ABHD18: variants seen among roughly 807,000 people sequenced by gnomAD.
The protein encoded by ABHD18 is cardiolipin-specific deacylase, mitochondrial.
A neutral mutation model predicts 65.9 loss-of-function variants in ABHD18; 55 were observed. That is an observed-to-expected ratio of 0.84 (90% CI 0.67 to 1.05). The LOEUF (loss-of-function observed/expected upper bound fraction) is 1.05, where lower values mean the gene tolerates loss of function less well. Among genes scored for constraint, ABHD18 ranks in the 50% least tolerant of loss-of-function variants. The pLI, the probability that ABHD18 is intolerant of heterozygous loss-of-function variation, is 0.00. For missense variants in ABHD18, 533 were observed against 558.5 expected (o/e 0.95, Z 0.46); for synonymous variants, 181 against 180.2 (o/e 1.00, Z -0.04).
At chr4:127,979,439 C>T (rs927141136) in intron 1 of ABHD18, among the ~76,000 whole-genome samples, 3 of 152,124 alleles carry the variant, frequency 2.0e-5, no homozygotes, top group Non-Finnish European at 2.9e-5. Context: ...CCTGTAGTCC[C>T]AGCTACTCGG....
At chr4:127,979,894 C>T (rs1408419159) in intron 1 of ABHD18, among the ~76,000 whole-genome samples, 3 of 124,204 alleles carry the variant, frequency 2.4e-5, no homozygotes, top group Admixed American at 1.1e-4. Flanking sequence ...CCAGCCTGAG[C>T]GACAGAGTGA....
At chr4:128,020,917 T>C (rs913649916) in intron 9 of ABHD18, among the ~76,000 whole-genome samples, 5 of 151,754 alleles carry the variant, frequency 3.3e-5, no homozygotes, top group Admixed American at 6.6e-5. Flanking sequence ...GCCTGTAGTC[T>C]CAGCTACTTG....
At chr4:127,968,870 T>A (rs532786801) in intron 1 of ABHD18, among the ~76,000 whole-genome samples, 1 of 152,160 alleles carries the variant, frequency 6.6e-6, no homozygotes, top group African/African-American at 2.4e-5. Flanking sequence ...GCTTGGATTT[T>A]TATCTGTTCA....
chr4:127,971,106 G>A (rs981226405), intron 1 of ABHD18, among the ~76,000 whole-genome samples: 2 of 151,220 alleles, frequency 1.3e-5, no homozygotes, highest in South Asian at 4.2e-4. Context: ...AAATTAGCCG[G>A]GCAAGGAAGG....
chr4:128,003,667 C>T (rs1235703849), intron 4 of ABHD18, among the ~76,000 whole-genome samples: 1 of 151,840 alleles, frequency 6.6e-6, no homozygotes, highest in East Asian at 1.9e-4. Flanking sequence ...TTCTATTTTT[C>T]TGGCATGTAA....
intron 1 of ABHD18, among the ~76,000 whole-genome samples, chr4:127,969,416 C>T (rs533293151): frequency 6.6e-6 from 1 of 152,034 alleles, no homozygotes; most frequent in African/African-American, 2.4e-5. Context: ...TCAGGCTGGT[C>T]TCCAACTCCC....
intron 4 of ABHD18, among the ~76,000 whole-genome samples, chr4:128,001,934 A>AT (rs1304330445): frequency 2.7e-5 from 4 of 150,580 alleles, no homozygotes; most frequent in East Asian, 2.0e-4. Flanking sequence ...TATTTTTGCA[A>AT]TTTTTTTCTC....
At chr4:127,997,017 C>T (rs1186402101) in intron 4 of ABHD18, among the ~76,000 whole-genome samples, 1 of 152,180 alleles carries the variant, frequency 6.6e-6, no homozygotes, top group African/African-American at 2.4e-5. Flanking sequence ...GACATACATT[C>T]TCAGCTTACG....
chr4:127,996,560 A>G (rs560422499), intron 4 of ABHD18, among the ~76,000 whole-genome samples: 5 of 152,338 alleles, frequency 3.3e-5, no homozygotes, highest in South Asian at 2.1e-4. Context: ...GTCCCGCTGT[A>G]CATGCATTGT....
At chr4:128,007,776 T>C (rs1164343359) in intron 4 of ABHD18, among the ~76,000 whole-genome samples, 1 of 151,472 alleles carries the variant, frequency 6.6e-6, no homozygotes. Flanking sequence ...GAGAAAACTA[T>C]CTGTGCGTTT....
chr4:127,982,406 G>A (rs1245548886), intron 1 of ABHD18, among the ~76,000 whole-genome samples: 3 of 152,142 alleles, frequency 2.0e-5, no homozygotes, highest in African/African-American at 7.2e-5. Context: ...TATAGTAGAG[G>A]GGAGTGTAGT....
At chr4:127,966,622 G>A (rs1358020350) in intron 1 of ABHD18, among the ~76,000 whole-genome samples, 2 of 146,516 alleles carry the variant, frequency 1.4e-5, no homozygotes, top group African/African-American at 5.1e-5. Context: ...ACCTTGGGAG[G>A]CCAAGGCGGG....
At chr4:128,006,128 A>C (rs1753561254) in intron 4 of ABHD18, among the ~76,000 whole-genome samples, 1 of 152,198 alleles carries the variant, frequency 6.6e-6, no homozygotes, top group Non-Finnish European at 1.5e-5. Context: ...CTGTTAGAAG[A>C]TAGTCGAATT....
chr4:127,976,189 C>G (rs1747887497), intron 1 of ABHD18, among the ~76,000 whole-genome samples: 1 of 151,950 alleles, frequency 6.6e-6, no homozygotes, highest in African/African-American at 2.4e-5. Context: ...TGTGTCATAC[C>G]TATGATTTAT....
intron 1 of ABHD18, among the ~76,000 whole-genome samples, chr4:127,980,479 G>C (rs183110891): frequency 7.4e-4 from 113 of 152,216 alleles, no homozygotes; most frequent in African/African-American, 2.5e-3. Flanking sequence ...ATCAGAAAGA[G>C]TAGAATCCAA....
At position 127,965,427 on chromosome 4, in the gene ABHD18, C is replaced by A. The variant is rs956103716; in HGVS notation, c.-197C>A. On this transcript the variant is annotated 5_prime_UTR_variant, in exon 1 of 13. Transcript: ENST00000645843. ...GTCCAAACTGCCGCGCCGCCCTGCT[C>A]CGGGTTTGTCTTCCTCCCTCCGTTT... The A allele has an allele frequency of 1.8e-6, 1 of 552,284 alleles. No individual in the cohort carries two copies. The allele number at this position is 552,284 out of a possible 1,614,324, so 34.2% of individuals were successfully genotyped here.
At chr4:127,979,214 G>A (rs1177560893) in intron 1 of ABHD18, among the ~76,000 whole-genome samples, 4 of 152,140 alleles carry the variant, frequency 2.6e-5, no homozygotes, top group Admixed American at 2.6e-4. Context: ...ACAAGAGGAG[G>A]AATAGCACTG....
At chr4:128,002,732 C>A (rs1204481195) in intron 4 of ABHD18, among the ~76,000 whole-genome samples, 1 of 152,110 alleles carries the variant, frequency 6.6e-6, no homozygotes, top group Non-Finnish European at 1.5e-5. Context: ...CAAGCCCTGT[C>A]TCCTGAGTTC....
At chr4:128,019,105 T>C (rs1379913406) in intron 8 of ABHD18, among the ~76,000 whole-genome samples, 1 of 152,176 alleles carries the variant, frequency 6.6e-6, no homozygotes, top group East Asian at 1.9e-4. Context: ...AGTGTTTCCA[T>C]TGTTATCACC....
Sources: allele counts gnomAD v4.1 joint callset (sites outside exome capture counted in the v4.1 genomes callset), GRCh38; gene constraint gnomAD v4.1.1; transcripts MANE v1.5; gene names NCBI Gene and HGNC (gene_info 2026-07-23, HGNC 2026-07-21).